The following TM9SF4 variants were observed in gnomAD, a reference collection of about 807,000 sequenced individuals.
The protein encoded by TM9SF4 is transmembrane 9 superfamily member 4, also known as dinucleotide oxidase disulfide thiol exchanger 3 superfamily member 4.
Under a neutral mutation model 90.4 loss-of-function variants are expected in TM9SF4, and 26 were observed. That is an observed-to-expected ratio of 0.29 (90% CI 0.21 to 0.40). The LOEUF is 0.40. Among genes scored for constraint, TM9SF4 ranks in the 10% least tolerant of loss-of-function variants. TM9SF4 has a pLI of 1.00. For synonymous variants in TM9SF4, 293 were observed against 315.4 expected (o/e 0.93, Z 0.75); for missense variants, 549 against 834.8 (o/e 0.66, Z 4.22).
At chr20:32,144,294 T>A (rs532435229) in intron 6 of TM9SF4, among the ~76,000 whole-genome samples, 1 of 152,236 alleles carries the variant, frequency 6.6e-6, no homozygotes, top group Non-Finnish European at 1.5e-5. Context: ...TAGTTGGTGC[T>A]TATTATATGT....
intron 15 of TM9SF4, chr20:32,159,332 G>A (rs2046978979): frequency 1.3e-5 from 2 of 152,526 alleles, no homozygotes; most frequent in Non-Finnish European, 2.9e-5. Flanking sequence ...GCCCTTCAGA[G>A]GCATGTAAGT....
rs1000412923 is a variant in TM9SF4 at position 32,165,399 on chromosome 20, C to T, written c.1884C>T (p.Ala628=). ...LLTGTIGFYA[A]YMFVRKIYAA... ...CGGGTACCATCGGCTTCTATGCAGCCTACATGTTTGTTCGCAAGATCTATG... is the reference window on the plus strand; with the variant it reads ...CGGGTACCATCGGCTTCTATGCAGCTTACATGTTTGTTCGCAAGATCTATG... The change falls in exon 18 of 18, where the codon GCC becomes GCT. Residue 628 remains alanine, a synonymous_variant. Coordinates refer to ENST00000398022, the MANE Select transcript of TM9SF4 (RefSeq NM_014742.4). The T allele has an allele frequency of 2.5e-6, 4 of 1,614,072 alleles. No individual in the cohort carries two copies. The African/African-American group carries it at 5.3e-5, about 22-fold the overall frequency.
Position 32,141,892 on chromosome 20 carries a change from C to T in TM9SF4, c.525C>T (p.Asn175=). 6.2e-7 allele frequency: 1 copy of T among 1,614,006 alleles called. No individual in the cohort carries two copies. Among genetic ancestry groups the T allele is most frequent in the Non-Finnish European group, 8.5e-7 (1 of 1,179,974 alleles). The change falls in exon 5 of 18, where the codon AAC becomes AAT. Residue 175 remains asparagine, a synonymous_variant. Coordinates refer to ENST00000398022, the MANE Select transcript of TM9SF4 (RefSeq NM_014742.4). ...HGYRLGFTDV[N]KIYLHNHLSF... Reference sequence around the variant, plus strand: ...ACCGGCTCGGCTTCACAGATGTCAACAAGGTAGAGTGTCTTTGGCGTGCTC... The same window carrying T: ...ACCGGCTCGGCTTCACAGATGTCAATAAGGTAGAGTGTCTTTGGCGTGCTC...
Position 32,127,535 on chromosome 20 carries a change from T to C in TM9SF4, c.16-5478T>C, listed in dbSNP as rs1244689238. Among the ~76,000 whole-genome samples, 4 of 152,208 alleles carry C rather than the reference T, an allele frequency of 2.6e-5. No homozygotes were observed. In the South Asian group the frequency reaches 6.2e-4, roughly 24 times the overall value. ...TGGTAAGTGGAAAGAAGGAACCCGG[T>C]CTGTCACTGTGCCTTGTGCTTAGGA... On this transcript the variant is annotated intron_variant, in intron 1 of 17. Coordinates refer to ENST00000398022, the MANE Select transcript of TM9SF4 (RefSeq NM_014742.4).
At chr20:32,122,341 C>T (rs1393141594) in intron 1 of TM9SF4, among the ~76,000 whole-genome samples, 8 of 151,038 alleles carry the variant, frequency 5.3e-5, no homozygotes, top group South Asian at 4.2e-4. Context: ...GGGTGGCTGC[C>T]GGGCGGAGAT....
At chr20:32,117,770 T>C (rs971894877) in intron 1 of TM9SF4, among the ~76,000 whole-genome samples, 1 of 152,196 alleles carries the variant, frequency 6.6e-6, no homozygotes, top group African/African-American at 2.4e-5. Context: ...GGCTTCTAGA[T>C]TGCCATCACC....
chr20:32,109,980 G>A, intron 1 of TM9SF4: 5 of 1,414,940 alleles, frequency 3.5e-6, no homozygotes, highest in Non-Finnish European at 4.6e-6. Flanking sequence ...CGCCGTTTCG[G>A]AGGAAGACCT....
At position 32,148,909 on chromosome 20, in the gene TM9SF4, A is replaced by T. The variant is rs184501701; in HGVS notation, c.955-725A>T. Among the ~76,000 whole-genome samples the T allele has an allele frequency of 1.2e-4, 19 of 152,226 alleles. No individual in the cohort carries two copies. In the East Asian group the frequency reaches 3.5e-3, roughly 28 times the overall value. On this transcript the variant is annotated intron_variant, in intron 9 of 17. Transcript: ENST00000398022. ...ATGGTCTCGATCTCCTGACCTCATGATCCGCCCGCCTCGGCCTCCCAAAGT... is the reference window on the plus strand; with the variant it reads ...ATGGTCTCGATCTCCTGACCTCATGTTCCGCCCGCCTCGGCCTCCCAAAGT...
At chr20:32,157,742 C>A in intron 13 of TM9SF4, 52 bp from the exon 14 acceptor site, 1 of 1,601,072 alleles carries the variant, frequency 6.2e-7, no homozygotes, top group Admixed American at 1.7e-5. Flanking sequence ...TTGCGCAGCC[C>A]CCATCCCGGG....
intron 12 of TM9SF4, 26 bp downstream of exon 12, chr20:32,150,901 T>A (rs1336465575): frequency 6.2e-7 from 1 of 1,612,942 alleles, no homozygotes; most frequent in Non-Finnish European, 8.5e-7. Flanking sequence ...CTTCTCTTGT[T>A]TGGTGGGAAG....
chr20:32,141,907 T>G lies in TM9SF4; in HGVS notation c.528+12T>G. The G allele has an allele frequency of 6.2e-7, 1 of 1,613,788 alleles. No individual in the cohort carries two copies. The highest frequency in any genetic ancestry group is 8.5e-7 in the Non-Finnish European group (1 of 1,179,906). On this transcript the variant is annotated intron_variant, in intron 5 of 17. Transcript: ENST00000398022. Reference sequence around the variant, plus strand: ...CAGATGTCAACAAGGTAGAGTGTCTTTGGCGTGCTCACAGGACCGGGAGCC... The same window carrying G: ...CAGATGTCAACAAGGTAGAGTGTCTGTGGCGTGCTCACAGGACCGGGAGCC...
chr20:32,117,155 C>T (rs1478357394), intron 1 of TM9SF4, among the ~76,000 whole-genome samples: 11 of 135,062 alleles, frequency 8.1e-5, no homozygotes, highest in Non-Finnish European at 1.5e-4. Context: ...ACCCAGGAGG[C>T]GGAGGTTGCA....
At chr20:32,110,349 C>A (rs2046124731) in intron 1 of TM9SF4, among the ~76,000 whole-genome samples, 4 of 152,100 alleles carry the variant, frequency 2.6e-5, no homozygotes, top group Admixed American at 2.6e-4. Flanking sequence ...CTAGAGGCTT[C>A]CCTGCCCTTC....
In TM9SF4 at chr20:32,150,835, G is replaced by T; in HGVS notation, c.1205G>T (p.Arg402Leu). The T allele has an allele frequency of 6.2e-7, 1 of 1,614,166 alleles. No homozygotes were observed. Among genetic ancestry groups the T allele is most frequent in the Non-Finnish European group, 8.5e-7 (1 of 1,180,038 alleles). ...GGATTTTCTGCTGGCCGTCTGTACCGCACTTTAAAAGGCCATCGGTGGAAG... is the reference window on the plus strand; with the variant it reads ...GGATTTTCTGCTGGCCGTCTGTACCTCACTTTAAAAGGCCATCGGTGGAAG... ...FGGFSAGRLY[R>L]TLKGHRWKKG... Residue 402 changes from arginine to leucine, a missense_variant, in exon 12 of 18, where the codon CGC becomes CTC. Physicochemically the swap from Arg to Leu is moderately radical, Grantham distance 102. This residue lies in a region of TM9SF4 where 495 missense variants were observed against 711.7 expected (regional missense o/e 0.70). Transcript: ENST00000398022.
intron 1 of TM9SF4, among the ~76,000 whole-genome samples, chr20:32,112,077 G>A (rs1225800129): frequency 6.6e-6 from 1 of 152,140 alleles, no homozygotes; most frequent in Non-Finnish European, 1.5e-5. Flanking sequence ...CAGAGGCTGT[G>A]GAAAGGAGTT....
chr20:32,119,474 ATCT>A (rs1355798366), intron 1 of TM9SF4, among the ~76,000 whole-genome samples: 2 of 152,114 alleles, frequency 1.3e-5, no homozygotes, highest in African/African-American at 4.8e-5. Context: ...TCATTCATAT[ATCT>A]TCTTTGGTGA....
At chr20:32,159,360 G>C (rs2046979533) in intron 15 of TM9SF4, 3 of 152,574 alleles carry the variant, frequency 2.0e-5, no homozygotes. Flanking sequence ...ACCCAGCTCG[G>C]GGCCCAGCAC....
intron 12 of TM9SF4, among the ~76,000 whole-genome samples, chr20:32,154,696 A>G (rs1022164648): frequency 2.6e-5 from 4 of 151,932 alleles, no homozygotes; most frequent in African/African-American, 9.7e-5. Flanking sequence ...CAGGTGATCC[A>G]CCTACCTCGG....
intron 1 of TM9SF4, among the ~76,000 whole-genome samples, chr20:32,114,639 G>A (rs2046194520): frequency 1.3e-5 from 2 of 152,186 alleles, no homozygotes; most frequent in East Asian, 3.9e-4. Flanking sequence ...AGCAAAAACT[G>A]TTTTTAATGG....
Sources: allele counts gnomAD v4.1 joint callset (sites outside exome capture counted in the v4.1 genomes callset), GRCh38; gene constraint gnomAD v4.1.1; regional missense constraint gnomAD v4.1.1; transcripts MANE v1.5; gene names NCBI Gene and HGNC (gene_info 2026-07-23, HGNC 2026-07-21).